The following RB1 variants were observed in gnomAD, a reference collection of about 807,000 sequenced individuals.
RB1 encodes the protein RB transcriptional corepressor 1.
A neutral mutation model predicts 135.4 loss-of-function variants in RB1; 18 were observed. The observed-to-expected ratio is 0.13, with a 90% confidence interval of 0.09 to 0.20. The LOEUF (loss-of-function observed/expected upper bound fraction) is 0.20, where lower values mean the gene tolerates loss of function less well. Ranked by LOEUF, RB1 falls within the 10% of genes least tolerant of loss-of-function variation. RB1 has a pLI of 1.00. For synonymous variants in RB1, 365 were observed against 373.2 expected, an observed-to-expected ratio of 0.98 and a Z score of 0.25; for missense variants, 868 against 1,110.0, an observed-to-expected ratio of 0.78 and a Z score of 3.10.
At chr13:48,447,704 G>A (rs563802658) in intron 17 of RB1, among the ~76,000 whole-genome samples, 1 of 152,214 alleles carries the variant, frequency 6.6e-6, no homozygotes, top group Admixed American at 6.5e-5. Flanking sequence ...CCCATGTACT[G>A]TGGCTCCAGA....
rs1422900655 is a variant in RB1, at chr13:48,459,765, A to G, written c.2038A>G (p.Ile680Val). 1.2e-5 allele frequency: 20 copies of G among 1,613,694 alleles called. No individual in the cohort carries two copies. The highest frequency in any genetic ancestry group is 1.7e-5 in the Non-Finnish European group (20 of 1,179,678). Reference sequence around the variant, plus strand: ...TGAGCACCCAGAATTAGAACATATCATCTGGACCCTTTTCCAGCACACCCT... The same window carrying G: ...TGAGCACCCAGAATTAGAACATATCGTCTGGACCCTTTTCCAGCACACCCT... ...LSEHPELEHI[I>V]WTLFQHTLQN... The change falls in exon 20 of 27, where the codon ATC becomes GTC. Residue 680 changes from isoleucine to valine, a missense_variant. Physicochemically the swap from Ile to Val is conservative, Grantham distance 29. This residue lies in a region of RB1 where 31 missense variants were observed against 78.9 expected (regional missense o/e 0.39). Coordinates refer to ENST00000267163, the MANE Select transcript of RB1 (RefSeq NM_000321.3).
intron 2 of RB1, among the ~76,000 whole-genome samples, chr13:48,327,129 G>T (rs1020922087): frequency 1.3e-5 from 2 of 151,678 alleles, no homozygotes; most frequent in African/African-American, 2.4e-5. Flanking sequence ...TAAATCCTTG[G>T]ACAAAGTTAC....
intron 17 of RB1, among the ~76,000 whole-genome samples, chr13:48,416,891 C>T (rs1948920301): frequency 6.6e-6 from 1 of 152,114 alleles, no homozygotes; most frequent in Non-Finnish European, 1.5e-5. Flanking sequence ...GGCAGGGCAT[C>T]TCTGAAAAAA....
chr13:48,320,604 G>A (rs1334153813), intron 2 of RB1: 4 of 359,786 alleles, frequency 1.1e-5, no homozygotes, highest in African/African-American at 2.1e-5. Flanking sequence ...AGGCCGAGGC[G>A]GGCGGATCGC....
chr13:48,334,416 C>A (rs1339382225), intron 2 of RB1, among the ~76,000 whole-genome samples: 1 of 152,104 alleles, frequency 6.6e-6, no homozygotes, highest in Admixed American at 6.6e-5. Context: ...AATCTAGGAG[C>A]AAAAGATAAA....
chr13:48,320,117 T>C (rs1461218368), intron 2 of RB1: 5 of 721,094 alleles, frequency 6.9e-6, no homozygotes, highest in Admixed American at 5.2e-5. Context: ...GGAATCATCA[T>C]TGAATCTAGC....
chr13:48,389,865 G>A (rs1423038289), intron 17 of RB1: 4 of 152,298 alleles, frequency 2.6e-5, no homozygotes, highest in Non-Finnish European at 5.9e-5. Context: ...TTAAGAAACA[G>A]GATATTTGGC....
intron 2 of RB1, among the ~76,000 whole-genome samples, chr13:48,329,121 G>A (rs1952312645): frequency 6.6e-6 from 1 of 152,080 alleles, no homozygotes; most frequent in Non-Finnish European, 1.5e-5. Flanking sequence ...TAGATATTTA[G>A]CAGAGTTTTG....
At chr13:48,391,186 G>A (rs2138159216) in intron 17 of RB1, among the ~76,000 whole-genome samples, 1 of 152,006 alleles carries the variant, frequency 6.6e-6, no homozygotes, top group Non-Finnish European at 1.5e-5. Context: ...TCTTTAAATA[G>A]TATTACACTA....
At chr13:48,346,506 T>G (rs1337449301) in intron 4 of RB1, among the ~76,000 whole-genome samples, 3 of 144,198 alleles carry the variant, frequency 2.1e-5, no homozygotes, top group Non-Finnish European at 3.0e-5. Flanking sequence ...TGGTAGCTTA[T>G]TTTAATATGA....
At chr13:48,477,308 C>T (rs2138360534) in intron 25 of RB1, 47 bp from the exon 26 acceptor site, 2 of 1,442,232 alleles carry the variant, frequency 1.4e-6, no homozygotes, top group South Asian at 1.2e-5. Context: ...TTTGAGTTTT[C>T]CATTTATAAA....
chr13:48,481,455 T>G lies in RB1; in HGVS notation c.*1384T>G, dbSNP rs1158197912. 2.2e-5 allele frequency: 5 copies of G among 231,222 alleles called. No homozygotes were observed. The highest frequency in any genetic ancestry group is 4.3e-5 in the Non-Finnish European group (5 of 116,890). The allele number at this position is 231,222 out of a possible 1,614,324, so 14.3% of individuals were successfully genotyped here. On this transcript the variant is annotated 3_prime_UTR_variant, in exon 27 of 27. Transcript: ENST00000267163. ...TATTTAAGGTAGCTTCAGCTAGCTTTTAGGAAAATCACTTTGTCTAACTCA... is the reference window on the plus strand; with the variant it reads ...TATTTAAGGTAGCTTCAGCTAGCTTGTAGGAAAATCACTTTGTCTAACTCA...
intron 4 of RB1, among the ~76,000 whole-genome samples, chr13:48,346,832 G>A (rs1037080620): frequency 1.7e-4 from 26 of 151,976 alleles, no homozygotes; most frequent in African/African-American, 5.1e-4. Flanking sequence ...TTTTATATGA[G>A]TAACTTACAT....
chr13:48,358,234 A>AT (rs1566191052), intron 6 of RB1, among the ~76,000 whole-genome samples: 3 of 151,690 alleles, frequency 2.0e-5, no homozygotes, highest in South Asian at 4.1e-4. Flanking sequence ...TCTCTGTCTG[A>AT]TTTTTTTCCC....
intron 9 of RB1, among the ~76,000 whole-genome samples, chr13:48,366,485 A>T (rs1369966361): frequency 6.6e-6 from 1 of 152,190 alleles, no homozygotes; most frequent in Non-Finnish European, 1.5e-5. Flanking sequence ...ATGCAATTTT[A>T]CTTCTCTGAG....
At chr13:48,476,192 A>G (rs1949503152) in intron 24 of RB1, among the ~76,000 whole-genome samples, 1 of 152,220 alleles carries the variant, frequency 6.6e-6, no homozygotes, top group Admixed American at 6.5e-5. Context: ...ATCAGATATA[A>G]TTTCTATCAG....
intron 2 of RB1, chr13:48,317,547 G>A: frequency 4.6e-6 from 2 of 434,940 alleles, no homozygotes; most frequent in Admixed American, 3.6e-5. Context: ...CTGTGGCACT[G>A]CTGGGCAGCT....
chr13:48,464,983 A>ATTTTTTTT lies in RB1; in HGVS notation c.2212-15_2212-14insTTTTTTTT. 1.4e-6 allele frequency: 1 copy of ATTTTTTTT among 699,296 alleles called. No individual in the cohort carries two copies. The allele number at this position is 699,296 out of a possible 1,614,324, so 43.3% of individuals were successfully genotyped here. ...CTTTTTTTTTTTTTTTTTTTTTTTTACTGTTCTTCCTCAGACATTCAAACG... is the reference window on the plus strand; with the variant it reads ...CTTTTTTTTTTTTTTTTTTTTTTTTATTTTTTTTCTGTTCTTCCTCAGACATTCAAACG... On this transcript the variant is annotated splice_polypyrimidine_tract_variant and intron_variant, in intron 21 of 26. Coordinates refer to ENST00000267163, the MANE Select transcript of RB1 (RefSeq NM_000321.3).
chr13:48,325,279 C>T (rs1196699833), intron 2 of RB1, among the ~76,000 whole-genome samples: 1 of 152,160 alleles, frequency 6.6e-6, no homozygotes, highest in Non-Finnish European at 1.5e-5. Flanking sequence ...TGGCCTCCAG[C>T]TCTATCCATG....
Sources: allele counts gnomAD v4.1 joint callset (sites outside exome capture counted in the v4.1 genomes callset), GRCh38; gene constraint gnomAD v4.1.1; regional missense constraint gnomAD v4.1.1; transcripts MANE v1.5; gene names NCBI Gene and HGNC (gene_info 2026-07-23, HGNC 2026-07-21).